Variants in SEC14L5 observed in about 807,000 individuals in gnomAD.
SEC14L5 encodes the protein SEC14-like protein 5.
Under a neutral mutation model 84.6 loss-of-function variants are expected in SEC14L5, and 96 were observed. The ratio of observed to expected loss-of-function variants is 1.13; its 90% CI spans 0.96 to 1.34. SEC14L5 has a LOEUF of 1.34. Ranked by LOEUF, SEC14L5 falls within the 40% of genes most tolerant of loss-of-function variation. SEC14L5 has a pLI of 0.00. For synonymous variants in SEC14L5, 546 were observed against 383.4 expected (o/e 1.42, Z -4.95); for missense variants, 1,224 against 942.5 (o/e 1.30, Z -3.91).
chr16:4,974,903 G>A (rs1463612734), intron 2 of SEC14L5, among the ~76,000 whole-genome samples: 1 of 151,530 alleles, frequency 6.6e-6, no homozygotes, highest in African/African-American at 2.4e-5. Context: ...TCAGCCTCCT[G>A]AGTAGCTGGG....
At chr16:4,971,824 T>C (rs1955284158) in intron 2 of SEC14L5, among the ~76,000 whole-genome samples, 1 of 152,190 alleles carries the variant, frequency 6.6e-6, no homozygotes, top group South Asian at 2.1e-4. Flanking sequence ...CCTTCCTCCT[T>C]TCATTCCTTT....
chr16:4,965,436 C>T (rs890393755), intron 2 of SEC14L5, among the ~76,000 whole-genome samples: 8 of 146,966 alleles, frequency 5.4e-5, no homozygotes, highest in Middle Eastern at 4.3e-3. Flanking sequence ...CCGAGGCGGG[C>T]GGATCACGAG....
intron 2 of SEC14L5, among the ~76,000 whole-genome samples, chr16:4,969,571 A>G (rs1175471712): frequency 6.6e-6 from 1 of 152,060 alleles, no homozygotes; most frequent in East Asian, 1.9e-4. Flanking sequence ...TTTAGCAGAG[A>G]TGGGGTTTCA....
intron 11 of SEC14L5, 51 bp downstream of exon 11, chr16:5,003,624 G>GCCTCCCC: frequency 3.3e-6 from 1 of 305,312 alleles, no homozygotes; most frequent in Non-Finnish European, 6.5e-6. Flanking sequence ...GGTGGGATGG[G>GCCTCCCC]AGGGGTTCCG....
intron 2 of SEC14L5, among the ~76,000 whole-genome samples, chr16:4,979,429 C>A (rs1384433120): frequency 6.6e-6 from 1 of 152,274 alleles, no homozygotes; most frequent in African/African-American, 2.4e-5. Flanking sequence ...GGAGGGTGAG[C>A]GCTACCTACT....
chr16:5,001,495 G>T (rs559063693), intron 10 of SEC14L5, among the ~76,000 whole-genome samples: 1 of 152,084 alleles, frequency 6.6e-6, no homozygotes, highest in Non-Finnish European at 1.5e-5. Context: ...TCCTGACCTC[G>T]TGATCCGCCT....
At chr16:4,974,676 T>G (rs926218329) in intron 2 of SEC14L5, among the ~76,000 whole-genome samples, 1 of 152,176 alleles carries the variant, frequency 6.6e-6, no homozygotes, top group Non-Finnish European at 1.5e-5. Context: ...ACACAAGCAG[T>G]GTACACTGTA....
At chr16:4,993,642 G>C (rs1245490372) in intron 6 of SEC14L5, among the ~76,000 whole-genome samples, 1 of 152,178 alleles carries the variant, frequency 6.6e-6, no homozygotes, top group East Asian at 1.9e-4. Flanking sequence ...TGGTACATGT[G>C]AGTACTTAAT....
chr16:4,962,152 C>T (rs1158486586), intron 2 of SEC14L5, among the ~76,000 whole-genome samples: 14 of 125,374 alleles, frequency 1.1e-4, no homozygotes, highest in Middle Eastern at 5.2e-3. Flanking sequence ...GGCAACAGAG[C>T]GAGACTCTGT....
intron 8 of SEC14L5, among the ~76,000 whole-genome samples, chr16:4,997,321 A>G (rs1955623530): frequency 6.6e-6 from 1 of 152,174 alleles, no homozygotes. Flanking sequence ...GCTGGTCCCA[A>G]ATTCCTAATC....
At chr16:5,008,703 G>A (rs1955764848) in intron 14 of SEC14L5, 55 bp downstream of exon 14, 51 of 1,459,692 alleles carry the variant, frequency 3.5e-5, no homozygotes, top group South Asian at 3.2e-4. Context: ...AGTGTCCACT[G>A]CGTGCCAGGC....
At chr16:4,974,668 A>T (rs1955319985) in intron 2 of SEC14L5, among the ~76,000 whole-genome samples, 2 of 152,054 alleles carry the variant, frequency 1.3e-5, no homozygotes, top group Admixed American at 1.3e-4. Context: ...CACCTGTCAC[A>T]CAAGCAGTGT....
At position 4,991,830 on chromosome 16, in the gene SEC14L5, G is replaced by C; in HGVS notation, c.475-8G>C. On this transcript the variant is annotated splice_polypyrimidine_tract_variant and splice_region_variant and intron_variant, in intron 5 of 15. Transcript: ENST00000251170. Reference sequence around the variant, plus strand: ...TGCTCATGTGTCTTGGGTCTCTCTGGCTTCCAGGGGAAGGAGGTGATTGAG... The same window carrying C: ...TGCTCATGTGTCTTGGGTCTCTCTGCCTTCCAGGGGAAGGAGGTGATTGAG... 1 of 1,592,322 alleles carries C rather than the reference G, an allele frequency of 6.3e-7. No individual in the cohort carries two copies. The highest frequency in any genetic ancestry group is 8.6e-7 in the Non-Finnish European group (1 of 1,168,498).
chr16:4,959,256 G>C lies in SEC14L5; in HGVS notation c.-51-17G>C. 5.5e-6 allele frequency: 7 copies of C among 1,282,530 alleles called. No homozygotes were observed. The South Asian group carries it at 7.1e-5, about 13-fold the overall frequency. The allele number at this position is 1,282,530 out of a possible 1,614,324, so 79.4% of individuals were successfully genotyped here. A position where few individuals can be genotyped will look rare whatever the true frequency, so the allele number is the denominator to read the frequency against. On this transcript the variant is annotated splice_polypyrimidine_tract_variant and intron_variant, in intron 1 of 15. Transcript: ENST00000251170. The stretch of plus-strand genomic sequence containing the variant: ...CGAGGTGGGAGCTGCAACCTCACCA[G>C]TCACTCCTCGCCCCAGGCTCTGTGC...
At chr16:4,982,343 A>G (rs1955434053) in intron 2 of SEC14L5, among the ~76,000 whole-genome samples, 4 of 152,290 alleles carry the variant, frequency 2.6e-5, no homozygotes, top group South Asian at 4.1e-4. Context: ...GACAGGCGCT[A>G]GGAGCAGACC....
At chr16:5,002,813 C>T (rs1955691620) in intron 10 of SEC14L5, among the ~76,000 whole-genome samples, 1 of 152,204 alleles carries the variant, frequency 6.6e-6, no homozygotes, top group Admixed American at 6.5e-5. Context: ...GGGATTTGAA[C>T]CTTGGCCATC....
intron 5 of SEC14L5, among the ~76,000 whole-genome samples, chr16:4,991,554 A>G (rs866153521): frequency 6.6e-6 from 1 of 152,204 alleles, no homozygotes. Flanking sequence ...CAACACAGCA[A>G]GACACTGTCT....
chr16:4,979,440 T>G (rs1050470638), intron 2 of SEC14L5, among the ~76,000 whole-genome samples: 1 of 152,164 alleles, frequency 6.6e-6, no homozygotes, highest in African/African-American at 2.4e-5. Context: ...GCTACCTACT[T>G]CATCAGGAGC....
At position 5,003,510 on chromosome 16, in the gene SEC14L5, A is replaced by G; in HGVS notation, c.1239A>G (p.Pro413=). Residue 413 remains proline, a synonymous_variant, in exon 11 of 16, where the codon CCA becomes CCG. Transcript: ENST00000251170. ...TTGAGGTGGTTGAGGACAATTACCCAGAGACCCTGGGTCGGCTGCTCATCG... is the reference window on the plus strand; with the variant it reads ...TTGAGGTGGTTGAGGACAATTACCCGGAGACCCTGGGTCGGCTGCTCATCG... ...RMIEVVEDNY[P]ETLGRLLIVR... The G allele has an allele frequency of 6.2e-7, 1 of 1,603,722 alleles. No homozygotes were observed. Among genetic ancestry groups the G allele is most frequent in the African/African-American group, 1.3e-5 (1 of 74,218 alleles).
Sources: gnomAD v4.1 joint callset for allele counts (sites outside exome capture counted in the v4.1 genomes callset) on GRCh38, gnomAD v4.1.1 for gene constraint, MANE v1.5 for transcripts, NCBI Gene and HGNC (gene_info 2026-07-23, HGNC 2026-07-21) for gene names.